The following SETX variants were observed in gnomAD, a reference collection of about 807,000 sequenced individuals.
SETX encodes the protein senataxin.
In SETX, 90 loss-of-function variants were observed where a neutral mutation model predicts 227.2. The observed-to-expected ratio is 0.40, with a 90% CI of 0.33 to 0.47. SETX has a LOEUF of 0.47. Ranked by LOEUF, SETX falls within the 20% of genes least tolerant of loss-of-function variation. The pLI is 0.91. For missense variants in SETX, 3,052 were observed against 3,181.5 expected (o/e 0.96, Z 0.98); for synonymous variants, 1,210 against 1,113.2 (o/e 1.09, Z -1.73).
intron 5 of SETX, among the ~76,000 whole-genome samples, chr9:132,337,492 T>C (rs555871798): frequency 6.7e-6 from 1 of 149,794 alleles, no homozygotes; most frequent in African/African-American, 2.4e-5. Context: ...ATAGTAAAAG[T>C]ATTATTTTAC....
chr9:132,267,384 G>A (rs1018547226), intron 25 of SETX, among the ~76,000 whole-genome samples: 3 of 152,218 alleles, frequency 2.0e-5, no homozygotes, highest in Non-Finnish European at 2.9e-5. Context: ...TTTTTGCTAA[G>A]TTCACTACAC....
intron 18 of SETX, among the ~76,000 whole-genome samples, chr9:132,284,832 G>T (rs1038371411): frequency 6.6e-6 from 1 of 151,602 alleles, no homozygotes; most frequent in South Asian, 2.1e-4. Context: ...GCTCATACAG[G>T]TGACTTTTTT....
At chr9:132,282,264 A>T (rs1263027673) in intron 19 of SETX, among the ~76,000 whole-genome samples, 1 of 150,872 alleles carries the variant, frequency 6.6e-6, no homozygotes, top group Non-Finnish European at 1.5e-5. Flanking sequence ...TCCTTTTAAA[A>T]CTTTATTTTA....
At chr9:132,343,319 CAAA>C (rs1306062132) in intron 4 of SETX, among the ~76,000 whole-genome samples, 1 of 151,896 alleles carries the variant, frequency 6.6e-6, no homozygotes, top group Non-Finnish European at 1.5e-5. Context: ...AACTCCATCT[CAAA>C]ACAACAACAA....
At position 132,264,322 on chromosome 9, in the gene SETX, G is replaced by A. The variant is rs1589595782; in HGVS notation, c.7951C>T (p.His2651Tyr). 1.2e-6 allele frequency: 2 copies of A among 1,614,092 alleles called. No individual in the cohort carries two copies. Among genetic ancestry groups the A allele is most frequent in the Non-Finnish European group, 1.7e-6 (2 of 1,180,004 alleles). The change falls in exon 26 of 26, where the codon CAT becomes TAT. Residue 2651 changes from histidine to tyrosine, a missense_variant. Physicochemically the swap from His to Tyr is moderately conservative, Grantham distance 83. This residue lies in a region of SETX where 294 missense variants were observed against 278.8 expected (regional missense o/e 1.05). Transcript: ENST00000224140. ...GEQEKCGSET[H>Y]HTRRNSRWDK... ...CACCTAGAGTTCCTCCTGGTGTGATGGGTCTCGGAACCACACTTCTCCTGC... is the reference window on the plus strand; with the variant it reads ...CACCTAGAGTTCCTCCTGGTGTGATAGGTCTCGGAACCACACTTCTCCTGC...
rs1589746017 is a variant in SETX at position 132,329,586 on chromosome 9, T to C, written c.2012A>G (p.Gln671Arg). The change falls in exon 10 of 26, where the codon CAA becomes CGA. Residue 671 changes from glutamine to arginine, a missense_variant. Physicochemically the swap from Gln to Arg is conservative, Grantham distance 43 (BLOSUM62 1). Around this residue, in one of 10 missense-constraint regions of SETX, gnomAD observed 1,483 missense variants for 1,312.0 expected, o/e 1.13. Coordinates refer to ENST00000224140, the MANE Select transcript of SETX (RefSeq NM_015046.7). ...DNTIEGDNNEQNYIKDVKLED... is the reference protein window; with the variant it reads ...DNTIEGDNNERNYIKDVKLED... The stretch of plus-strand genomic sequence containing the variant: ...TAGTTTCACATCCTTTATATAATTT[T>C]GCTCATTATTGTCACCTTCTATAGT... The C allele has an allele frequency of 2.5e-6, 4 of 1,613,782 alleles. No homozygotes were observed. Among genetic ancestry groups the C allele is most frequent in the Non-Finnish European group, 3.4e-6 (4 of 1,180,002 alleles).
intron 15 of SETX, among the ~76,000 whole-genome samples, chr9:132,295,091 G>A (rs1441627753): frequency 6.6e-6 from 1 of 152,122 alleles, no homozygotes; most frequent in Non-Finnish European, 1.5e-5. Context: ...CAACACAAGT[G>A]ATATGAAAAA....
chr9:132,345,947 A>T (rs915092145), intron 4 of SETX, among the ~76,000 whole-genome samples: 6 of 152,180 alleles, frequency 3.9e-5, no homozygotes, highest in Non-Finnish European at 8.8e-5. Flanking sequence ...TGAGCCCAGG[A>T]GGTAGAGGCT....
chr9:132,270,415 T>TG (rs1842850425), intron 24 of SETX, among the ~76,000 whole-genome samples: 3 of 151,996 alleles, frequency 2.0e-5, no homozygotes, highest in African/African-American at 7.3e-5. Context: ...GAGACACAGG[T>TG]GAACTCTAGA....
chr9:132,300,486 G>C, intron 12 of SETX, 144 bp downstream of exon 12: 1 of 808,638 alleles, frequency 1.2e-6, no homozygotes, highest in South Asian at 1.5e-5. Flanking sequence ...CTAGAAAAGA[G>C]ACTCTGAATG....
At chr9:132,341,965 A>G (rs1848002119) in intron 5 of SETX, among the ~76,000 whole-genome samples, 1 of 152,006 alleles carries the variant, frequency 6.6e-6, no homozygotes, top group Admixed American at 6.6e-5. Flanking sequence ...TTTTTTTAAT[A>G]TCATTGGTAT....
rs905773255 is a variant in SETX at position 132,264,495 on chromosome 9, A to G, written c.7778T>C (p.Val2593Ala). 7 of 1,613,726 alleles carry G rather than the reference A, an allele frequency of 4.3e-6. No homozygotes were observed. The highest frequency in any genetic ancestry group is 3.3e-5 in the Admixed American group (2 of 59,984). The change falls in exon 26 of 26, where the codon GTA becomes GCA. Residue 2593 changes from valine to alanine, a missense_variant. Physicochemically the swap from Val to Ala is moderately conservative, Grantham distance 64. Transcript: ENST00000224140. The stretch of plus-strand genomic sequence containing the variant: ...TTTGTGGCTGCTCAGAGCAGCCACT[A>G]CAGCAGCGGGCTGCTGTATATGGCT... The part of the protein sequence containing the change: ...DLSHIQQPAA[V>A]VAALSSHKPP...
intron 15 of SETX, among the ~76,000 whole-genome samples, chr9:132,293,961 T>C (rs1262814509): frequency 1.3e-5 from 2 of 152,016 alleles, no homozygotes; most frequent in Non-Finnish European, 2.9e-5. Context: ...GAGGCGGAGC[T>C]TGCAGTGAGC....
intron 15 of SETX, 65 bp downstream of exon 15, chr9:132,295,807 T>C: frequency 1.4e-6 from 2 of 1,476,198 alleles, no homozygotes; most frequent in Non-Finnish European, 1.9e-6. Flanking sequence ...TCCTTTGTCA[T>C]TCAAAGTTGC....
At position 132,264,265 on chromosome 9, in the gene SETX, T is replaced by G. The variant is rs1018098543; in HGVS notation, c.8008A>C (p.Ser2670Arg). ...DKRTLEQEDS[S>R]SKKRKLL is the part of the protein sequence containing the mutation. Reference sequence around the variant, plus strand: ...TATAAAAGCTTTCTTTTCTTGGAACTGCTGTCCTCCTGCTCCAGTGTCCTC... The same window carrying G: ...TATAAAAGCTTTCTTTTCTTGGAACGGCTGTCCTCCTGCTCCAGTGTCCTC... The change falls in exon 26 of 26, where the codon AGT becomes CGT. Residue 2670 changes from serine (S) to arginine (R), a missense_variant. This residue lies in a region of SETX where 294 missense variants were observed against 278.8 expected (regional missense o/e 1.05). Transcript: ENST00000224140. The G allele has an allele frequency of 1.2e-6, 2 of 1,614,206 alleles. No individual in the cohort carries two copies. The highest frequency in any genetic ancestry group is 2.2e-5 in the East Asian group (1 of 44,888).
intron 6 of SETX, among the ~76,000 whole-genome samples, chr9:132,335,106 TGA>T (rs1226714281): frequency 6.6e-6 from 1 of 152,022 alleles, no homozygotes; most frequent in Admixed American, 6.5e-5. Context: ...AGAAGTATTT[TGA>T]GGCCGGGCGT....
At chr9:132,285,798 T>C (rs1843831853) in intron 18 of SETX, among the ~76,000 whole-genome samples, 1 of 148,196 alleles carries the variant, frequency 6.7e-6, no homozygotes, top group Admixed American at 6.7e-5. Context: ...GAGAATCACT[T>C]GAACCTGGGA....
At chr9:132,321,802 C>T (rs571737329) in intron 10 of SETX, among the ~76,000 whole-genome samples, 30 of 151,932 alleles carry the variant, frequency 2.0e-4, no homozygotes, top group African/African-American at 6.8e-4. Context: ...GAGCCGAGAT[C>T]GTGCCACTGC....
In SETX at chr9:132,278,090, G is replaced by A; in HGVS notation, c.6822C>T (p.Asn2274=). 1 of 1,614,038 alleles carries A rather than the reference G, an allele frequency of 6.2e-7. No homozygotes were observed. The highest frequency in any genetic ancestry group is 8.5e-7 in the Non-Finnish European group (1 of 1,179,944). The change falls in exon 21 of 26, where the codon AAC becomes AAT. Residue 2274 remains asparagine (N), a synonymous_variant. Coordinates refer to ENST00000224140, the MANE Select transcript of SETX (RefSeq NM_015046.7). ...ICLFPSNYVY[N]RNLKTNRQTE... ...CTCACCTATTTGTTTTTAAGTTTCT[G>A]TTATAAACATAATTAGAAGGGAAGA... is the stretch of plus-strand genomic sequence containing the variant.
Sources: allele counts gnomAD v4.1 joint callset (sites outside exome capture counted in the v4.1 genomes callset), GRCh38; gene constraint gnomAD v4.1.1; regional missense constraint gnomAD v4.1.1; transcripts MANE v1.5; gene names NCBI Gene and HGNC (gene_info 2026-07-23, HGNC 2026-07-21).